The following MEI4 variants were observed in gnomAD, a reference collection of about 807,000 sequenced individuals.
MEI4 encodes the protein meiosis-specific protein MEI4.
MEI4 carries 27 observed loss-of-function variants against 31.4 expected under a neutral mutation model. The observed-to-expected ratio is 0.86, with a 90% CI of 0.63 to 1.19. The LOEUF (loss-of-function observed/expected upper bound fraction) is 1.19. Ranked by LOEUF, MEI4 falls within the 50% of genes most tolerant of loss-of-function variation. The pLI, the probability that MEI4 is intolerant of heterozygous loss-of-function variation, is 0.00. For missense variants in MEI4, 329 were observed against 398.9 expected (o/e 0.82, Z 1.49); for synonymous variants, 122 against 145.4 (o/e 0.84, Z 1.16).
At chr6:77,679,472 G>GCCTAGGTGTGTAGTAGGCTATACC (rs55747861) in intron 1 of MEI4, among the ~76,000 whole-genome samples, 1 of 151,584 alleles carries the variant, frequency 6.6e-6, no homozygotes, top group Admixed American at 6.6e-5. Context: ...AGGAGCAATA[G>GCCTAGGTGTGTAGTAGGCTATACC]ATGTAGATTT....
At chr6:77,655,642 TA>T (rs1422513598) in intron 1 of MEI4, among the ~76,000 whole-genome samples, 1 of 152,176 alleles carries the variant, frequency 6.6e-6, no homozygotes, top group Non-Finnish European at 1.5e-5. Context: ...GTGTATATAC[TA>T]TCCTATTTTC....
intron 1 of MEI4, among the ~76,000 whole-genome samples, chr6:77,677,784 C>T (rs10943478): frequency 0.38 from 57,624 of 151,874 alleles, 12,289 homozygotes; most frequent in East Asian, 0.5. Context: ...TTTCATCCAG[C>T]GAAATACATG....
chr6:77,838,492 A>G (rs1010629762), intron 4 of MEI4, among the ~76,000 whole-genome samples: 3 of 152,172 alleles, frequency 2.0e-5, no homozygotes, highest in African/African-American at 7.2e-5. Flanking sequence ...AAAGCTTTAA[A>G]CTCTGTAAAC....
At chr6:77,891,425 A>T (rs1445989742) in intron 4 of MEI4, among the ~76,000 whole-genome samples, 1 of 151,596 alleles carries the variant, frequency 6.6e-6, no homozygotes, top group Non-Finnish European at 1.5e-5. Flanking sequence ...TTGTGATTTG[A>T]TTTTATTTAT....
intron 4 of MEI4, among the ~76,000 whole-genome samples, chr6:77,889,567 C>A (rs1771707381): frequency 6.6e-6 from 1 of 152,148 alleles, no homozygotes; most frequent in African/African-American, 2.4e-5. Flanking sequence ...CCTGACAATG[C>A]AGTGGAAAAA....
intron 2 of MEI4, among the ~76,000 whole-genome samples, chr6:77,744,312 C>T (rs908897180): frequency 5.3e-5 from 8 of 151,928 alleles, no homozygotes; most frequent in Non-Finnish European, 7.4e-5. Context: ...TCGAGAACTA[C>T]GTGAAGAATG....
intron 4 of MEI4, among the ~76,000 whole-genome samples, chr6:77,901,981 A>G (rs567728047): frequency 6.6e-6 from 1 of 152,020 alleles, no homozygotes; most frequent in Admixed American, 6.6e-5. Context: ...TCTATTGTAT[A>G]TTTTTGTTCT....
At chr6:77,674,991 A>ACT (rs10694662) in intron 1 of MEI4, among the ~76,000 whole-genome samples, 51,667 of 151,558 alleles carry the variant, frequency 0.34, 9,067 homozygotes, top group African/African-American at 0.4. Flanking sequence ...GATGGATGTA[A>ACT]CTAGTTCATT....
At chr6:77,906,053 T>G (rs1766289611) in intron 4 of MEI4, among the ~76,000 whole-genome samples, 2 of 152,150 alleles carry the variant, frequency 1.3e-5, no homozygotes, top group African/African-American at 4.8e-5. Flanking sequence ...TTAATATCTC[T>G]GTAAAATTTA....
chr6:77,739,831 T>A (rs1767353108), intron 2 of MEI4, among the ~76,000 whole-genome samples: 1 of 152,188 alleles, frequency 6.6e-6, no homozygotes, highest in Non-Finnish European at 1.5e-5. Flanking sequence ...TTATTTCTTG[T>A]CTTCTGCTAG....
chr6:77,745,394 G>A (rs995698073), intron 2 of MEI4, among the ~76,000 whole-genome samples: 1 of 152,116 alleles, frequency 6.6e-6, no homozygotes, highest in African/African-American at 2.4e-5. Context: ...TAATGGTAAA[G>A]GGATCAATTC....
chr6:77,692,812 A>T (rs1769182921), intron 2 of MEI4, among the ~76,000 whole-genome samples: 1 of 152,060 alleles, frequency 6.6e-6, no homozygotes, highest in Admixed American at 6.6e-5. Context: ...AGTGTAGGCT[A>T]ATCCCTGGAA....
chr6:77,760,420 TA>T (rs981735354), intron 2 of MEI4, among the ~76,000 whole-genome samples: 97 of 151,822 alleles, frequency 6.4e-4, no homozygotes, highest in African/African-American at 1.6e-3. Flanking sequence ...CTCTACACTT[TA>T]CAGGATGAAG....
intron 4 of MEI4, among the ~76,000 whole-genome samples, chr6:77,875,252 TTATC>T (rs761164146): frequency 2.6e-5 from 4 of 152,214 alleles, no homozygotes; most frequent in Admixed American, 1.3e-4. Context: ...ATATGTATGT[TTATC>T]TATTTATTTC....
At chr6:77,754,375 C>T (rs1460867626) in intron 2 of MEI4, among the ~76,000 whole-genome samples, 1 of 152,182 alleles carries the variant, frequency 6.6e-6, no homozygotes, top group Admixed American at 6.5e-5. Flanking sequence ...TACTTTTACT[C>T]CAGTTCCCAA....
chr6:77,808,722 G>A (rs574558504), intron 3 of MEI4, among the ~76,000 whole-genome samples: 3 of 152,142 alleles, frequency 2.0e-5, no homozygotes, highest in Non-Finnish European at 4.4e-5. Flanking sequence ...GATGTGTAAT[G>A]TGAAGGATAT....
chr6:77,855,047 C>T (rs1770713361), intron 4 of MEI4, among the ~76,000 whole-genome samples: 1 of 152,068 alleles, frequency 6.6e-6, no homozygotes, highest in South Asian at 2.1e-4. Flanking sequence ...AAGAAAATTA[C>T]TGCATTTAGG....
rs191328060 is a variant in MEI4 at position 77,821,699 on chromosome 6, G to A, written c.769-7232G>A. Among the ~76,000 whole-genome samples the A allele has an allele frequency of 1.4e-3, 212 of 150,940 alleles. 1 individual carries two copies. Among genetic ancestry groups the A allele is most frequent in the African/African-American group, 4.5e-3 (186 of 41,104 alleles). On this transcript the variant is annotated intron_variant, in intron 3 of 4. Transcript: ENST00000684080. ...ACTTCCAGCTACTCAGGAGGCCGAG[G>A]CAGGAGAATCGCTTGAATCCCAGAA...
chr6:77,778,545 A>G (rs1261166692), intron 3 of MEI4, among the ~76,000 whole-genome samples: 2 of 151,792 alleles, frequency 1.3e-5, no homozygotes, highest in Non-Finnish European at 2.9e-5. Flanking sequence ...TACTAAAAAT[A>G]CAAAAAAATA....
Sources: allele counts gnomAD v4.1 joint callset (sites outside exome capture counted in the v4.1 genomes callset), GRCh38; gene constraint gnomAD v4.1.1; transcripts MANE v1.5; gene names NCBI Gene and HGNC (gene_info 2026-07-23, HGNC 2026-07-21).